Variants in SLC12A6 observed in about 807,000 individuals in gnomAD.
The protein encoded by SLC12A6 is K-Cl cotransporter 3.
In SLC12A6, 66 loss-of-function variants were observed where a neutral mutation model predicts 135.3. The ratio of observed to expected loss-of-function variants is 0.49; its 90% confidence interval spans 0.40 to 0.60. The LOEUF is 0.60. Among genes scored for constraint, SLC12A6 ranks in the 20% least tolerant of loss-of-function variants. SLC12A6 has a pLI of 0.00. For missense variants in SLC12A6, 1,058 were observed against 1,452.3 expected, an observed-to-expected ratio of 0.73 and a Z score of 4.41; for synonymous variants, 513 against 508.8, an observed-to-expected ratio of 1.01 and a Z score of -0.11.
rs1891477418 is a variant in SLC12A6 at position 34,239,227 on chromosome 15, C to T, written c.2437-67G>A. On this transcript the variant is annotated intron_variant, in intron 19 of 25. Coordinates refer to ENST00000354181, the MANE Select transcript of SLC12A6 (RefSeq NM_001365088.1). Reference sequence around the variant, plus strand: ...TGGACATTTTAACCCATTGTTCCTTCTCCATATTATATCCCCCACCTTTTT... The same window carrying T: ...TGGACATTTTAACCCATTGTTCCTTTTCCATATTATATCCCCCACCTTTTT... 8.6e-6 allele frequency: 10 copies of T among 1,167,126 alleles called. No homozygotes were observed. The East Asian group carries it at 2.1e-4, about 25-fold the overall frequency. The allele number at this position is 1,167,126 out of a possible 1,614,324, so 72.3% of individuals were successfully genotyped here.
chr15:34,278,261 C>T (rs1894430707), intron 2 of SLC12A6, among the ~76,000 whole-genome samples: 1 of 151,846 alleles, frequency 6.6e-6, no homozygotes, highest in Non-Finnish European at 1.5e-5. Flanking sequence ...ATGCCATCTC[C>T]ACTAAAAATA....
chr15:34,264,427 G>A (rs1893357730), intron 3 of SLC12A6, among the ~76,000 whole-genome samples: 1 of 152,210 alleles, frequency 6.6e-6, no homozygotes, highest in African/African-American at 2.4e-5. Context: ...GGAGGAATAT[G>A]TTAAACATTA....
chr15:34,234,484 G>A lies in SLC12A6; in HGVS notation c.3362-512C>T, dbSNP rs187318559. 5.4e-3 allele frequency among the ~76,000 whole-genome samples: 818 copies of A among 152,082 alleles called. 12 individuals are homozygous for A. The highest frequency in any genetic ancestry group is 0.018 in the African/African-American group (763 of 41,484). On this transcript the variant is annotated intron_variant, in intron 25 of 25. Transcript: ENST00000354181. Reference sequence around the variant, plus strand: ...ACCTCCTGGTTCAAGTGATTCTCCTGCCTCAGCCTCCCGAGTAGCTGGGAT... The same window carrying A: ...ACCTCCTGGTTCAAGTGATTCTCCTACCTCAGCCTCCCGAGTAGCTGGGAT...
At chr15:34,290,453 C>A (rs1244091515) in intron 2 of SLC12A6, among the ~76,000 whole-genome samples, 2 of 152,240 alleles carry the variant, frequency 1.3e-5, no homozygotes, top group East Asian at 3.9e-4. Flanking sequence ...AATGTATATT[C>A]CGTTGATTTG....
chr15:34,333,300 G>C (rs1423409119), intron 2 of SLC12A6, among the ~76,000 whole-genome samples: 1 of 149,354 alleles, frequency 6.7e-6, no homozygotes, highest in African/African-American at 2.5e-5. Flanking sequence ...CGTGATCTCA[G>C]CTCACTGCAA....
chr15:34,258,924 C>CG lies in SLC12A6; in HGVS notation c.431dup (p.Lys145GlufsTer14), dbSNP rs1892932671. Reference sequence around the variant, plus strand: ...TGCGGTTGAGGAGGGAAGACACCTTCGGTCTGGTGTCCATTTCTTCCTATA... The same window carrying CG: ...TGCGGTTGAGGAGGGAAGACACCTTCGGGTCTGGTGTCCATTTCTTCCTATA... On this transcript the variant is annotated frameshift_variant, in exon 5 of 26. Coordinates refer to ENST00000354181, the MANE Select transcript of SLC12A6 (RefSeq NM_001365088.1). LOFTEE classifies it high-confidence loss of function. The CG allele has an allele frequency of 6.2e-7, 1 of 1,609,960 alleles. No homozygotes were observed. Among genetic ancestry groups the CG allele is most frequent in the Non-Finnish European group, 8.5e-7 (1 of 1,176,332 alleles).
At chr15:34,287,938 C>G (rs1182521150) in intron 2 of SLC12A6, among the ~76,000 whole-genome samples, 1 of 152,180 alleles carries the variant, frequency 6.6e-6, no homozygotes, top group Non-Finnish European at 1.5e-5. Context: ...TGCCTGTTCA[C>G]TCTGGTAATA....
At chr15:34,332,426 C>T (rs1889911052) in intron 2 of SLC12A6, among the ~76,000 whole-genome samples, 1 of 152,100 alleles carries the variant, frequency 6.6e-6, no homozygotes, top group Non-Finnish European at 1.5e-5. Flanking sequence ...CAATTAATAC[C>T]AGACTGCCTC....
intron 2 of SLC12A6, among the ~76,000 whole-genome samples, chr15:34,290,407 T>A (rs971907462): frequency 1.3e-5 from 2 of 152,200 alleles, no homozygotes; most frequent in Non-Finnish European, 2.9e-5. Context: ...AATTACGTGG[T>A]CAATTTTAGA....
chr15:34,296,935 A>G (rs1336687911), intron 2 of SLC12A6, among the ~76,000 whole-genome samples: 1 of 152,234 alleles, frequency 6.6e-6, no homozygotes, highest in Admixed American at 6.5e-5. Context: ...TTATTTGTAT[A>G]CTTCTGATAA....
intron 2 of SLC12A6, among the ~76,000 whole-genome samples, chr15:34,278,274 A>G (rs182802667): frequency 1.8e-3 from 278 of 152,156 alleles, no homozygotes; most frequent in Non-Finnish European, 2.8e-3. Context: ...TAAAAATAAA[A>G]AAATCAGCTG....
chr15:34,238,728 G>A lies in SLC12A6; in HGVS notation c.2632+237C>T, dbSNP rs183148408. On this transcript the variant is annotated intron_variant, in intron 20 of 25. Coordinates refer to ENST00000354181, the MANE Select transcript of SLC12A6 (RefSeq NM_001365088.1). Reference sequence around the variant, plus strand: ...TATGGAAAATCACAAATGAAAACACGGCAATTTTGGAGATAATTCCTAGCA... The same window carrying A: ...TATGGAAAATCACAAATGAAAACACAGCAATTTTGGAGATAATTCCTAGCA... 1.8e-3 allele frequency: 1,071 copies of A among 607,936 alleles called. 5 individuals are homozygous for A. Among genetic ancestry groups the A allele is most frequent in the Middle Eastern group, 4.0e-3 (9 of 2,246 alleles). 37.7% of individuals were successfully genotyped at this position (607,936 alleles called of 1,614,324 possible). A position where few individuals can be genotyped will look rare whatever the true frequency, so the allele number is the denominator to read the frequency against.
chr15:34,320,202 T>C (rs192378061), intron 2 of SLC12A6, among the ~76,000 whole-genome samples: 135 of 152,340 alleles, frequency 8.9e-4, no homozygotes, highest in African/African-American at 3.1e-3. Context: ...ATATACCACT[T>C]CTTGCAGCAC....
In SLC12A6 at chr15:34,255,525, T is replaced by C. The variant is rs918701117; in HGVS notation, c.746-133A>G. The C allele has an allele frequency of 5.8e-5, 40 of 688,598 alleles. 1 individual carries two copies. The highest frequency in any genetic ancestry group is 5.3e-4 in the Admixed American group (22 of 41,464). The allele number at this position is 688,598 out of a possible 1,614,324, so 42.7% of individuals were successfully genotyped here. On this transcript the variant is annotated intron_variant, in intron 7 of 25. Coordinates refer to ENST00000354181, the MANE Select transcript of SLC12A6 (RefSeq NM_001365088.1). ...AGGCTTCTGCAAACCCTCAATGTGA[T>C]AAAAAGATGTGCTAGTGGGAAGTAA...
Position 34,336,696 on chromosome 15 carries a change from A to G in SLC12A6, c.-16T>C, listed in dbSNP as rs1278615241. On this transcript the variant is annotated 5_prime_UTR_variant, in exon 2 of 26. Coordinates refer to ENST00000354181, the MANE Select transcript of SLC12A6 (RefSeq NM_001365088.1). The stretch of plus-strand genomic sequence containing the variant: ...GAGGATGCATTTTGTTCTTTTTAAG[A>G]ACAAAAAAAGTGGGGGGAACCTCGC... 1.9e-6 allele frequency: 3 copies of G among 1,613,568 alleles called. No individual in the cohort carries two copies. The South Asian group carries it at 3.3e-5, about 18-fold the overall frequency.
Position 34,233,556 on chromosome 15 carries a change from C to T in SLC12A6, c.*325G>A. ...ACGTACTTGACTTGCTTTTTTTCTT[C>T]AGTTGAATTTCTAGCATCCCTTTTA... On this transcript the variant is annotated 3_prime_UTR_variant, in exon 26 of 26. Coordinates refer to ENST00000354181, the MANE Select transcript of SLC12A6 (RefSeq NM_001365088.1). The T allele has an allele frequency of 1.3e-5, 4 of 299,406 alleles. No homozygotes were observed. Among genetic ancestry groups the T allele is most frequent in the Non-Finnish European group, 2.0e-5 (3 of 153,560 alleles). The allele number at this position is 299,406 out of a possible 1,614,324, so 18.5% of individuals were successfully genotyped here.
rs1892350716 is a variant in SLC12A6 at position 34,251,010 on chromosome 15, G to C, written c.1381C>G (p.Pro461Ala). 1 of 1,611,280 alleles carries C rather than the reference G, an allele frequency of 6.2e-7. No homozygotes were observed. Among genetic ancestry groups the C allele is most frequent in the Non-Finnish European group, 8.5e-7 (1 of 1,177,608 alleles). Reference protein sequence around the residue: ...YLPKGEIIEKPSAKSSDVLGS... With the variant: ...YLPKGEIIEKASAKSSDVLGS... Reference sequence around the variant, plus strand: ...AAGACATCAGAAGATTTGGCTGAAGGCTTTTCGATGATCTCTCCCTTGGGT... The same window carrying C: ...AAGACATCAGAAGATTTGGCTGAAGCCTTTTCGATGATCTCTCCCTTGGGT... Residue 461 changes from proline (P) to alanine (A), a missense_variant, in exon 11 of 26, where the codon CCT (proline) becomes GCT (alanine). Physicochemically the swap from Pro to Ala is conservative, Grantham distance 27. Around this residue, in one of 6 missense-constraint regions of SLC12A6, gnomAD observed 297 missense variants for 318.5 expected, o/e 0.93. Coordinates refer to ENST00000354181, the MANE Select transcript of SLC12A6 (RefSeq NM_001365088.1).
intron 3 of SLC12A6, among the ~76,000 whole-genome samples, chr15:34,272,239 G>C (rs964779851): frequency 6.6e-6 from 1 of 152,158 alleles, no homozygotes; most frequent in Non-Finnish European, 1.5e-5. Context: ...AAAGTGCTGG[G>C]ATTACAGGCG....
intron 2 of SLC12A6, among the ~76,000 whole-genome samples, chr15:34,293,804 A>G (rs575885852): frequency 4.0e-5 from 6 of 151,012 alleles, no homozygotes; most frequent in Admixed American, 6.6e-5. Context: ...AGGTCTCCCT[A>G]TGTTGCCCAG....
Sources: allele counts gnomAD v4.1 joint callset (sites outside exome capture counted in the v4.1 genomes callset), GRCh38; gene constraint gnomAD v4.1.1; regional missense constraint gnomAD v4.1.1; transcripts MANE v1.5; gene names NCBI Gene and HGNC (gene_info 2026-07-23, HGNC 2026-07-21).